The following PLD5 variants were observed in gnomAD, a reference collection of about 807,000 sequenced individuals.
PLD5 encodes inactive phospholipase D5.
PLD5 carries 36 observed loss-of-function variants against 61.1 expected under a neutral mutation model. The ratio of observed to expected loss-of-function variants is 0.59; its 90% CI spans 0.45 to 0.78. PLD5 has a LOEUF of 0.78. Among genes scored for constraint, PLD5 ranks in the 30% least tolerant of loss-of-function variants. The pLI, the probability that PLD5 is intolerant of heterozygous loss-of-function variation, is 0.00. For missense variants in PLD5, 515 were observed against 644.4 expected, an observed-to-expected ratio of 0.80 and a Z score of 2.17; for synonymous variants, 243 against 242.8, an observed-to-expected ratio of 1.00 and a Z score of -0.01.
chr1:242,349,212 A>C (rs1660334256), intron 1 of PLD5, among the ~76,000 whole-genome samples: 1 of 152,224 alleles, frequency 6.6e-6, no homozygotes, highest in Non-Finnish European at 1.5e-5. Flanking sequence ...TATCAAAAGC[A>C]AGGAATGTCT....
At chr1:242,333,695 C>T (rs1659329606) in intron 2 of PLD5, among the ~76,000 whole-genome samples, 1 of 152,204 alleles carries the variant, frequency 6.6e-6, no homozygotes, top group Non-Finnish European at 1.5e-5. Flanking sequence ...CAATCTACTG[C>T]ATATCCTCAT....
At chr1:242,427,504 C>A (rs898104915) in intron 1 of PLD5, among the ~76,000 whole-genome samples, 2 of 152,152 alleles carry the variant, frequency 1.3e-5, no homozygotes, top group African/African-American at 4.8e-5. Context: ...AATCTAGGAA[C>A]AGTGAAAAGC....
In PLD5 at chr1:242,256,303, A is replaced by G. The variant is rs1477080234; in HGVS notation, c.607+9034T>C. Reference sequence around the variant, plus strand: ...GAAAGGAAACAATATGGATAAAAAGATAGGGAAATCTAGAAATTTAATTTT... The same window carrying G: ...GAAAGGAAACAATATGGATAAAAAGGTAGGGAAATCTAGAAATTTAATTTT... On this transcript the variant is annotated intron_variant, in intron 4 of 9. Transcript: ENST00000536534. The surrounding 1 kb of genome is among the most constrained non-coding windows in gnomAD (Gnocchi z 5.7). 2.6e-5 allele frequency among the ~76,000 whole-genome samples: 4 copies of G among 152,384 alleles called. No homozygotes were observed. In the East Asian group the frequency reaches 5.8e-4, roughly 22 times the overall value.
At chr1:242,449,559 G>C in intron 1 of PLD5, 2 of 1,426,478 alleles carry the variant, frequency 1.4e-6, no homozygotes, top group Non-Finnish European at 1.8e-6. Context: ...AAGAGAGAAA[G>C]GGCTGCAGCT....
intron 1 of PLD5, among the ~76,000 whole-genome samples, chr1:242,479,639 C>A (rs1164075402): frequency 6.6e-6 from 1 of 152,034 alleles, no homozygotes; most frequent in African/African-American, 2.4e-5. Context: ...TAATAAAAAT[C>A]CCAAGAGACT....
At chr1:242,130,799 TTGAC>T (rs1663178262) in intron 5 of PLD5, among the ~76,000 whole-genome samples, 2 of 152,190 alleles carry the variant, frequency 1.3e-5, no homozygotes, top group Admixed American at 1.3e-4. Flanking sequence ...AGTTAAATGA[TTGAC>T]TGAATGGTTC....
At chr1:242,142,714 T>TTCTCTCTTTCTC (rs71570932) in intron 5 of PLD5, among the ~76,000 whole-genome samples, 10 of 90,088 alleles carry the variant, frequency 1.1e-4, no homozygotes, top group African/African-American at 4.4e-4. Flanking sequence ...AGCTGTGTCT[T>TTCTCTCTTTCTC]TCTCTCTCTC....
intron 5 of PLD5, among the ~76,000 whole-genome samples, chr1:242,163,538 A>G (rs576050882): frequency 6.6e-6 from 1 of 152,196 alleles, no homozygotes; most frequent in Non-Finnish European, 1.5e-5. Flanking sequence ...AGAGGGACGG[A>G]AGGAAAGAGA....
At chr1:242,278,905 G>A (rs1674560129) in intron 3 of PLD5, among the ~76,000 whole-genome samples, 1 of 152,152 alleles carries the variant, frequency 6.6e-6, no homozygotes, top group South Asian at 2.1e-4. Context: ...ATGTTACTTT[G>A]AAATAAAGGG....
At chr1:242,190,032 G>A (rs73134787) in intron 5 of PLD5, among the ~76,000 whole-genome samples, 4,073 of 151,442 alleles carry the variant, frequency 0.027, 198 homozygotes, top group African/African-American at 0.093. Flanking sequence ...AGAGCTCTCC[G>A]TGGTCTCCCC....
At chr1:242,304,539 T>C (rs1193740825) in intron 2 of PLD5, among the ~76,000 whole-genome samples, 1 of 152,242 alleles carries the variant, frequency 6.6e-6, no homozygotes, top group African/African-American at 2.4e-5. Context: ...GTTCTGCAAG[T>C]TGATTCACTT....
chr1:242,394,879 A>ATT (rs1663364797), intron 1 of PLD5, among the ~76,000 whole-genome samples: 2 of 84,848 alleles, frequency 2.4e-5, no homozygotes, highest in Admixed American at 1.7e-4. Flanking sequence ...AATATATATG[A>ATT]ATATATGTAT....
intron 1 of PLD5, among the ~76,000 whole-genome samples, chr1:242,408,603 C>A (rs1664369348): frequency 6.6e-6 from 1 of 152,214 alleles, no homozygotes; most frequent in African/African-American, 2.4e-5. Flanking sequence ...TCCTCCATGA[C>A]TGTAAGCTTC....
intron 4 of PLD5, among the ~76,000 whole-genome samples, chr1:242,231,381 C>T (rs1412246440): frequency 8.5e-5 from 13 of 152,166 alleles, no homozygotes; most frequent in Non-Finnish European, 1.2e-4. Context: ...AGTTGCAGTG[C>T]CAGGGAGGAT....
Position 242,228,308 on chromosome 1 carries a change from T to A in PLD5, c.608-8193A>T, listed in dbSNP as rs146889066. Among the ~76,000 whole-genome samples, 10 of 152,318 alleles carry A rather than the reference T, an allele frequency of 6.6e-5. No individual in the cohort carries two copies. The East Asian group carries it at 1.9e-3, about 29-fold the overall frequency. Reference sequence around the variant, plus strand: ...GAGGAAACAAAATCTTCACAGGGTATTTGTGAGTTGATGTTATGTGCAGCG... The same window carrying A: ...GAGGAAACAAAATCTTCACAGGGTAATTGTGAGTTGATGTTATGTGCAGCG... On this transcript the variant is annotated intron_variant, in intron 4 of 9. Transcript: ENST00000536534.
chr1:242,453,994 G>A (rs1392850957), intron 1 of PLD5, among the ~76,000 whole-genome samples: 2 of 152,250 alleles, frequency 1.3e-5, no homozygotes, highest in South Asian at 4.1e-4. Context: ...CTGGTGATTA[G>A]AGACCCTTTA....
chr1:242,187,056 C>T (rs1355746275), intron 5 of PLD5, among the ~76,000 whole-genome samples: 1 of 152,212 alleles, frequency 6.6e-6, no homozygotes, highest in Non-Finnish European at 1.5e-5. Flanking sequence ...GGCATATCCA[C>T]TATGGCAAAC....
At chr1:242,191,605 C>T (rs771427827) in intron 5 of PLD5, among the ~76,000 whole-genome samples, 4 of 150,844 alleles carry the variant, frequency 2.7e-5, no homozygotes, top group East Asian at 1.9e-4. Flanking sequence ...GAAAGAAAAA[C>T]GAAGGAAAGA....
At chr1:242,272,687 T>C (rs1238662305) in intron 3 of PLD5, among the ~76,000 whole-genome samples, 1 of 152,148 alleles carries the variant, frequency 6.6e-6, no homozygotes, top group Non-Finnish European at 1.5e-5. Flanking sequence ...ATGCCTTCTC[T>C]AGAAAGCTAT....
Sources: gnomAD v4.1 joint callset for allele counts (sites outside exome capture counted in the v4.1 genomes callset) on GRCh38, gnomAD v4.1.1 for gene constraint, Gnocchi (gnomAD v3.1) non-coding constraint, MANE v1.5 for transcripts, NCBI Gene and HGNC (gene_info 2026-07-23, HGNC 2026-07-21) for gene names.